MEIS2: variants seen among roughly 807,000 people sequenced by gnomAD.
MEIS2 encodes the protein homeobox protein Meis2.
MEIS2 carries 9 observed loss-of-function variants against 58.6 expected under a neutral mutation model. The observed-to-expected ratio is 0.15, with a 90% CI of 0.09 to 0.27. The LOEUF (loss-of-function observed/expected upper bound fraction) is 0.27, where lower values mean the gene tolerates loss of function less well. Ranked by LOEUF, MEIS2 falls within the 10% of genes least tolerant of loss-of-function variation. The pLI, the probability that MEIS2 is intolerant of heterozygous loss-of-function variation, is 1.00. For missense variants in MEIS2, 427 were observed against 635.0 expected (o/e 0.67, Z 3.52); for synonymous variants, 221 against 228.4 (o/e 0.97, Z 0.29).
At chr15:36,963,328 C>T (rs1011405664) in intron 8 of MEIS2, among the ~76,000 whole-genome samples, 4 of 151,470 alleles carry the variant, frequency 2.6e-5, no homozygotes, top group South Asian at 2.1e-4. Flanking sequence ...TGCAGTGAGC[C>T]GCGATTGCGC....
intron 5 of MEIS2, 89 bp from the exon 6 acceptor site, chr15:37,093,819 C>A: frequency 6.4e-7 from 1 of 1,563,760 alleles, no homozygotes; most frequent in Non-Finnish European, 8.7e-7. Flanking sequence ...TACCAGGTTG[C>A]AAGGTTACAT....
chr15:36,902,287 CTG>C (rs1042575192), intron 9 of MEIS2, among the ~76,000 whole-genome samples: 13 of 152,360 alleles, frequency 8.5e-5, no homozygotes, highest in African/African-American at 3.1e-4. Flanking sequence ...AGGGTAATAA[CTG>C]TGTTGTACTC....
chr15:37,037,017 T>C (rs1176978339), intron 7 of MEIS2, 58 bp from the exon 8 acceptor site: 2 of 1,516,534 alleles, frequency 1.3e-6, no homozygotes, highest in African/African-American at 1.4e-5. Context: ...CAACAACAAG[T>C]GCAGCTAATG....
At chr15:36,986,540 G>C (rs1018026545) in intron 8 of MEIS2, among the ~76,000 whole-genome samples, 2 of 152,192 alleles carry the variant, frequency 1.3e-5, no homozygotes, top group Non-Finnish European at 2.9e-5. Flanking sequence ...AGTGCTCCCA[G>C]AGTCAACTTC....
intron 8 of MEIS2, among the ~76,000 whole-genome samples, chr15:36,995,825 T>C (rs1039134480): frequency 1.4e-5 from 2 of 146,110 alleles, no homozygotes; most frequent in Admixed American, 6.9e-5. Context: ...TGAGGAACTA[T>C]TGCGGTAAGT....
chr15:37,057,319 C>T (rs918162928), intron 7 of MEIS2, among the ~76,000 whole-genome samples: 2 of 152,204 alleles, frequency 1.3e-5, no homozygotes, highest in Admixed American at 6.5e-5. Context: ...CACCTGCCTC[C>T]TCAGAGTGCT....
chr15:36,965,885 A>G (rs1473356288), intron 8 of MEIS2, among the ~76,000 whole-genome samples: 1 of 152,238 alleles, frequency 6.6e-6, no homozygotes, highest in Non-Finnish European at 1.5e-5. Flanking sequence ...AAATTAAAAC[A>G]AAAACAAAAA....
chr15:36,910,686 C>T (rs1415762553), intron 9 of MEIS2, among the ~76,000 whole-genome samples: 2 of 152,190 alleles, frequency 1.3e-5, no homozygotes, highest in African/African-American at 2.4e-5. Flanking sequence ...ATAAGTACCC[C>T]ATGACTACCC....
chr15:37,062,561 C>A (rs1889363760), intron 7 of MEIS2, among the ~76,000 whole-genome samples: 1 of 152,084 alleles, frequency 6.6e-6, no homozygotes, highest in South Asian at 2.1e-4. Flanking sequence ...GTGATCTTGT[C>A]CTACGATCAT....
In MEIS2 at chr15:37,011,607, GTTTTTTTTTTTTTTTTTT is replaced by G. The variant is rs574386772; in HGVS notation, c.900+25189_900+25206del. ...GTTTACAGACCAGCATCTATCAGTGGTTTTTTTTTTTTTTTTTTTTTTTTTTTTTTGAGATGGAGTCTC... is the reference window on the plus strand; with the variant it reads ...GTTTACAGACCAGCATCTATCAGTGGTTTTTTTTTTTTGAGATGGAGTCTC... On this transcript the variant is annotated intron_variant, in intron 8 of 11. Coordinates refer to ENST00000561208, the MANE Select transcript of MEIS2 (RefSeq NM_170675.5). Among the ~76,000 whole-genome samples, 25 of 66,706 alleles carry G rather than the reference GTTTTTTTTTTTTTTTTTT, an allele frequency of 3.7e-4. 1 individual carries two copies. Among genetic ancestry groups the G allele is most frequent in the African/African-American group, 1.1e-3 (17 of 15,382 alleles). The allele number at this position is 66,706 out of a possible 152,430, so 43.8% of individuals were successfully genotyped here.
At chr15:36,895,375 C>T in intron 10 of MEIS2, 114 bp from the exon 11 acceptor site, 2 of 832,286 alleles carry the variant, frequency 2.4e-6, no homozygotes, top group Non-Finnish European at 3.8e-6. Flanking sequence ...GGTTGGCACT[C>T]TACAAATGGG....
At chr15:37,046,074 C>T (rs755081367) in intron 7 of MEIS2, among the ~76,000 whole-genome samples, 1 of 152,244 alleles carries the variant, frequency 6.6e-6, no homozygotes, top group Non-Finnish European at 1.5e-5. Flanking sequence ...CCTCAAATGG[C>T]TCCAAATGCT....
intron 7 of MEIS2, among the ~76,000 whole-genome samples, chr15:37,081,386 A>G (rs1189787014): frequency 2.0e-5 from 3 of 152,222 alleles, no homozygotes; most frequent in Admixed American, 6.5e-5. Flanking sequence ...GGATAAGCAT[A>G]TGCGATTTCA....
chr15:37,016,263 A>T (rs1054676595), intron 8 of MEIS2, among the ~76,000 whole-genome samples: 2 of 152,140 alleles, frequency 1.3e-5, no homozygotes, highest in Admixed American at 1.3e-4. Flanking sequence ...ACTAAGCTGC[A>T]CACAGAAAGC....
intron 3 of MEIS2, 81 bp downstream of exon 3, chr15:37,096,208 C>G: frequency 7.0e-7 from 1 of 1,434,300 alleles, no homozygotes; most frequent in African/African-American, 1.4e-5. Context: ...CCTGGCCTTT[C>G]CTCCTTTCAA....
intron 6 of MEIS2, among the ~76,000 whole-genome samples, chr15:37,090,707 C>T (rs903249146): frequency 1.3e-5 from 2 of 152,000 alleles, no homozygotes; most frequent in African/African-American, 4.8e-5. Flanking sequence ...AAGCTGGATA[C>T]CACTTAATAA....
chr15:36,896,572 A>G, intron 10 of MEIS2, 56 bp downstream of exon 10: 1 of 1,400,434 alleles, frequency 7.1e-7, no homozygotes, highest in Non-Finnish European at 9.9e-7. Context: ...CTGGAGTATA[A>G]CTTGATGAGG....
At chr15:37,068,661 C>G (rs1890279989) in intron 7 of MEIS2, among the ~76,000 whole-genome samples, 1 of 152,166 alleles carries the variant, frequency 6.6e-6, no homozygotes, top group Non-Finnish European at 1.5e-5. Flanking sequence ...TTCCTTACCT[C>G]CTACTGGCAA....
chr15:36,948,212 G>A lies in MEIS2; in HGVS notation c.977+2112C>T, dbSNP rs144119710. Among the ~76,000 whole-genome samples the A allele has an allele frequency of 3.6e-3, 540 of 151,982 alleles. 2 individuals are homozygous for A. The highest frequency in any genetic ancestry group is 0.012 in the African/African-American group (508 of 41,496). On this transcript the variant is annotated intron_variant, in intron 9 of 11. Transcript: ENST00000561208. ...ATTATGGGAAGTATGCTGTGTGACAGACTGTCACATCCTAACCCTTGGCAT... is the reference window on the plus strand; with the variant it reads ...ATTATGGGAAGTATGCTGTGTGACAAACTGTCACATCCTAACCCTTGGCAT...
Sources: gnomAD v4.1 joint callset for allele counts (sites outside exome capture counted in the v4.1 genomes callset) on GRCh38, gnomAD v4.1.1 for gene constraint, MANE v1.5 for transcripts, NCBI Gene and HGNC (gene_info 2026-07-23, HGNC 2026-07-21) for gene names.